MAST4: variants seen among roughly 807,000 people sequenced by gnomAD.
MAST4 encodes the protein microtubule associated serine/threonine kinase family member 4.
MAST4 carries 89 observed loss-of-function variants against 162.7 expected under a neutral mutation model. The observed-to-expected ratio is 0.55, with a 90% confidence interval of 0.46 to 0.65. MAST4 has a LOEUF of 0.65. Ranked by LOEUF, MAST4 falls within the 30% of genes least tolerant of loss-of-function variation. The pLI is 0.00. For missense variants in MAST4, 3,153 were observed against 3,374.0 expected, an observed-to-expected ratio of 0.93 and a Z score of 1.62; for synonymous variants, 1,479 against 1,361.1, an observed-to-expected ratio of 1.09 and a Z score of -1.91.
intron 4 of MAST4, among the ~76,000 whole-genome samples, chr5:66,951,604 G>A (rs1159518093): frequency 3.0e-5 from 3 of 101,138 alleles, no homozygotes; most frequent in South Asian, 6.7e-4. Context: ...TGATATGTGT[G>A]TGTGTGTGTG....
intron 1 of MAST4, among the ~76,000 whole-genome samples, chr5:66,639,334 T>G (rs933113383): frequency 2.9e-5 from 4 of 138,726 alleles, no homozygotes; most frequent in African/African-American, 8.2e-5. Context: ...AACAGAAAAC[T>G]GGACAACAAC....
intron 3 of MAST4, among the ~76,000 whole-genome samples, chr5:66,844,575 G>T (rs112293596): frequency 0.011 from 1,637 of 152,186 alleles, 16 homozygotes; most frequent in Middle Eastern, 0.017. Flanking sequence ...TTTGTGCCAG[G>T]CTGGTTAAAC....
chr5:66,809,519 A>G (rs971020684), intron 3 of MAST4, among the ~76,000 whole-genome samples: 1 of 152,170 alleles, frequency 6.6e-6, no homozygotes, highest in Non-Finnish European at 1.5e-5. Context: ...AGCTTTTTAA[A>G]TACAGGGATA....
intron 1 of MAST4, among the ~76,000 whole-genome samples, chr5:66,648,585 A>T (rs10067014): frequency 0.019 from 2,847 of 152,206 alleles, 91 homozygotes; most frequent in African/African-American, 0.064. Context: ...CAAGACTCCA[A>T]AGAAAATGGC....
At chr5:66,747,615 C>T (rs1002885424) in intron 1 of MAST4, among the ~76,000 whole-genome samples, 11 of 152,140 alleles carry the variant, frequency 7.2e-5, no homozygotes, top group African/African-American at 1.9e-4. Flanking sequence ...TCCTCTGTCC[C>T]GCTTCCTGTT....
Position 67,004,690 on chromosome 5 carries a change from A to G in MAST4, c.675-49714A>G, listed in dbSNP as rs116778135. On this transcript the variant is annotated intron_variant, in intron 4 of 28. Transcript: ENST00000403625. ...TTGAGCAGAACGCACGGCTCAACTC[A>G]TGTAATTACTGTTTATAGCTGGCCG... The G allele has an allele frequency of 5.0e-3, 1,487 of 294,606 alleles. 18 individuals are homozygous for G. Among genetic ancestry groups the G allele is most frequent in the African/African-American group, 0.029 (1,383 of 47,040 alleles). 18.2% of individuals were successfully genotyped at this position (294,606 alleles called of 1,614,324 possible). A position where few individuals can be genotyped will look rare whatever the true frequency, so the allele number is the denominator to read the frequency against.
rs763506787 is a variant in MAST4, at chr5:67,165,414, G to T, written c.6235G>T (p.Val2079Leu). ...EKELGKVRRG[V>L]EPKPEALLAR... ...GGAGCTGGGCAAGGTGAGGCGTGGC[G>T]TGGAACCCAAGCCCGAAGCGCTTCT... The change falls in exon 29 of 29, where the codon GTG (valine) becomes TTG (leucine). Residue 2079 changes from valine to leucine, a missense_variant. Physicochemically the swap from Val to Leu is conservative, Grantham distance 32. This residue lies in a region of MAST4 where 1,644 missense variants were observed against 1,495.0 expected (regional missense o/e 1.10). Coordinates refer to ENST00000403625, the MANE Select transcript of MAST4 (RefSeq NM_001164664.2). The T allele has an allele frequency of 1.2e-6, 2 of 1,613,874 alleles. No homozygotes were observed. The highest frequency in any genetic ancestry group is 3.3e-5 in the Admixed American group (2 of 60,028).
At chr5:67,075,673 T>A (rs764883019) in intron 5 of MAST4, among the ~76,000 whole-genome samples, 5 of 152,176 alleles carry the variant, frequency 3.3e-5, no homozygotes, top group Non-Finnish European at 7.4e-5. Flanking sequence ...TCTGCTAGCC[T>A]ATAGGGGAAA....
chr5:66,959,219 A>G, intron 4 of MAST4: 1 of 779,640 alleles, frequency 1.3e-6, no homozygotes, highest in Non-Finnish European at 2.4e-6. Flanking sequence ...TGTCATGGTT[A>G]CAATAGAGTG....
At chr5:66,911,118 A>C (rs1287529968) in intron 4 of MAST4, among the ~76,000 whole-genome samples, 2 of 152,172 alleles carry the variant, frequency 1.3e-5, no homozygotes, top group Non-Finnish European at 1.5e-5. Flanking sequence ...TCCCATGCTT[A>C]AGTACAGGAA....
At chr5:67,078,676 A>G (rs1448897155) in intron 5 of MAST4, among the ~76,000 whole-genome samples, 2 of 134,610 alleles carry the variant, frequency 1.5e-5, no homozygotes, top group Admixed American at 7.9e-5. Flanking sequence ...TATTTATATT[A>G]TATTTATTTA....
intron 3 of MAST4, among the ~76,000 whole-genome samples, chr5:66,872,445 C>T (rs1377133253): frequency 1.3e-5 from 2 of 152,200 alleles, no homozygotes; most frequent in African/African-American, 4.8e-5. Flanking sequence ...ACTGGGATTA[C>T]AGGCGGGAGC....
intron 4 of MAST4, among the ~76,000 whole-genome samples, chr5:67,042,935 C>T (rs1250674670): frequency 1.3e-5 from 2 of 152,174 alleles, no homozygotes; most frequent in African/African-American, 4.8e-5. Context: ...AGGGACAGTT[C>T]ACTTGTGGGC....
chr5:66,717,796 A>G (rs530791237), intron 1 of MAST4, among the ~76,000 whole-genome samples: 110 of 152,276 alleles, frequency 7.2e-4, no homozygotes, highest in African/African-American at 2.5e-3. Context: ...TATATTTATA[A>G]AACGTTTCCA....
At chr5:66,865,121 G>C (rs1044155086) in intron 3 of MAST4, among the ~76,000 whole-genome samples, 30 of 152,188 alleles carry the variant, frequency 2.0e-4, no homozygotes, top group African/African-American at 6.5e-4. Flanking sequence ...TTCTTTGCTG[G>C]AGATGACAAA....
chr5:66,612,410 T>A (rs1207450258), intron 1 of MAST4, among the ~76,000 whole-genome samples: 1 of 152,214 alleles, frequency 6.6e-6, no homozygotes, highest in Non-Finnish European at 1.5e-5. Flanking sequence ...GTACCCTGGC[T>A]GCTGCCAACT....
chr5:67,048,267 A>G (rs1365508468), intron 4 of MAST4, among the ~76,000 whole-genome samples: 2 of 152,172 alleles, frequency 1.3e-5, no homozygotes, highest in Non-Finnish European at 2.9e-5. Context: ...ATTTGCTTCA[A>G]AGGAATAATC....
chr5:66,836,006 TA>T (rs71305033), intron 3 of MAST4, among the ~76,000 whole-genome samples: 3 of 151,808 alleles, frequency 2.0e-5, no homozygotes, highest in Admixed American at 1.3e-4. Flanking sequence ...CTTGTCTCTA[TA>T]AAAAAATACA....
chr5:67,034,836 C>T (rs1755808019), intron 4 of MAST4, among the ~76,000 whole-genome samples: 1 of 152,120 alleles, frequency 6.6e-6, no homozygotes, highest in Non-Finnish European at 1.5e-5. Context: ...TTATGTCTAG[C>T]ACTATAAAAA....
Sources: gnomAD v4.1 joint callset for allele counts (sites outside exome capture counted in the v4.1 genomes callset) on GRCh38, gnomAD v4.1.1 for gene constraint, gnomAD v4.1.1 regional missense constraint, MANE v1.5 for transcripts, NCBI Gene and HGNC (gene_info 2026-07-23, HGNC 2026-07-21) for gene names.